Variants in DLG2 observed in about 807,000 individuals in gnomAD.
DLG2 encodes discs large MAGUK scaffold protein 2.
In DLG2, 45 loss-of-function variants were observed where a neutral mutation model predicts 132.5. The ratio of observed to expected loss-of-function variants is 0.34; its 90% CI spans 0.27 to 0.44. DLG2 has a LOEUF of 0.44. Ranked by LOEUF, DLG2 falls within the 20% of genes least tolerant of loss-of-function variation. The probability of loss-of-function intolerance (pLI) is 1.00; values close to 1 mark genes in which losing one functional copy is unlikely to be tolerated. For synonymous variants in DLG2, 424 were observed against 419.6 expected (o/e 1.01, Z -0.13); for missense variants, 1,045 against 1,196.9 (o/e 0.87, Z 1.87).
At chr11:84,490,264 T>C (rs1358287463) in intron 7 of DLG2, among the ~76,000 whole-genome samples, 1 of 152,164 alleles carries the variant, frequency 6.6e-6, no homozygotes, top group Non-Finnish European at 1.5e-5. Flanking sequence ...CTAAGACATC[T>C]GGTTAATAGT....
intron 7 of DLG2, among the ~76,000 whole-genome samples, chr11:84,469,768 A>T (rs1410126675): frequency 6.6e-6 from 1 of 151,196 alleles, no homozygotes; most frequent in Admixed American, 6.6e-5. Flanking sequence ...CATGGGTAGA[A>T]CTCTATGGAA....
At chr11:83,952,065 C>G (rs1322227541) in intron 14 of DLG2, among the ~76,000 whole-genome samples, 1 of 152,168 alleles carries the variant, frequency 6.6e-6, no homozygotes, top group Non-Finnish European at 1.5e-5. Context: ...GGAAGACAAG[C>G]TGGGTGTGGT....
intron 6 of DLG2, among the ~76,000 whole-genome samples, chr11:84,705,884 T>C (rs777073004): frequency 3.3e-5 from 5 of 151,826 alleles, no homozygotes; most frequent in Non-Finnish European, 5.9e-5. Flanking sequence ...ATATCAACCA[T>C]TCATTCAACA....
rs147798815 is a variant in DLG2 at position 84,839,998 on chromosome 11, A to G, written c.357+271663T>C. On this transcript the variant is annotated intron_variant, in intron 6 of 27. Transcript: ENST00000376104. ...AGCCAAAATTGACAGATGAGATCCA[A>G]TTAAACTAGAGAGCTTCTGTACATC... is the stretch of plus-strand genomic sequence containing the variant. Among the ~76,000 whole-genome samples the G allele has an allele frequency of 3.7e-3, 566 of 152,312 alleles. 2 individuals carry two copies. The highest frequency in any genetic ancestry group is 6.1e-3 in the Non-Finnish European group (413 of 68,030).
chr11:84,750,660 T>C (rs1463079986), intron 6 of DLG2, among the ~76,000 whole-genome samples: 1 of 152,182 alleles, frequency 6.6e-6, no homozygotes, highest in Non-Finnish European at 1.5e-5. Context: ...ACTATCATAG[T>C]CATCATTTCC....
At chr11:84,025,589 T>C (rs1298814820) in intron 11 of DLG2, among the ~76,000 whole-genome samples, 3 of 152,190 alleles carry the variant, frequency 2.0e-5, no homozygotes, top group South Asian at 2.1e-4. Flanking sequence ...TGAAAACTTT[T>C]AAAATCTCAT....
chr11:85,619,383 T>G (rs2081548426), intron 2 of DLG2, among the ~76,000 whole-genome samples: 3 of 151,880 alleles, frequency 2.0e-5, no homozygotes, highest in Non-Finnish European at 4.4e-5. Flanking sequence ...AAAAAAAAAC[T>G]TTAGTAAATT....
At chr11:84,166,500 C>CAA (rs398016937) in intron 8 of DLG2, among the ~76,000 whole-genome samples, 870 of 80,572 alleles carry the variant, frequency 0.011, 38 homozygotes, top group South Asian at 0.025. Context: ...GACTCTGCTT[C>CAA]AAAAAAAAAA....
chr11:84,840,968 C>A (rs752639885), intron 6 of DLG2, among the ~76,000 whole-genome samples: 4 of 148,158 alleles, frequency 2.7e-5, no homozygotes, highest in Non-Finnish European at 4.5e-5. Context: ...TGCTCATGTA[C>A]CTTTGAACTT....
At chr11:85,166,875 A>T (rs1454393758) in intron 4 of DLG2, among the ~76,000 whole-genome samples, 1 of 152,180 alleles carries the variant, frequency 6.6e-6, no homozygotes, top group East Asian at 1.9e-4. Context: ...TTTACTTTAA[A>T]TGTATTCATC....
At chr11:85,110,848 G>A (rs551967947) in intron 6 of DLG2, among the ~76,000 whole-genome samples, 1 of 152,102 alleles carries the variant, frequency 6.6e-6, no homozygotes, top group Admixed American at 6.6e-5. Context: ...GGAGTCAAAT[G>A]AGGAGAATTT....
At chr11:83,703,524 C>T (rs2083340199) in intron 18 of DLG2, among the ~76,000 whole-genome samples, 1 of 152,046 alleles carries the variant, frequency 6.6e-6, no homozygotes, top group African/African-American at 2.4e-5. Flanking sequence ...TGGTGCATGC[C>T]TGTAATCCCA....
intron 6 of DLG2, among the ~76,000 whole-genome samples, chr11:84,736,832 T>G (rs1185079006): frequency 6.6e-6 from 1 of 151,924 alleles, no homozygotes; most frequent in African/African-American, 2.4e-5. Flanking sequence ...CAAAAATGAG[T>G]TTTACATCTT....
At chr11:85,428,944 A>G (rs1199598108) in intron 3 of DLG2, among the ~76,000 whole-genome samples, 2 of 152,188 alleles carry the variant, frequency 1.3e-5, no homozygotes, top group African/African-American at 4.8e-5. Context: ...GATAAAGGGG[A>G]TATCACCACC....
intron 11 of DLG2, among the ~76,000 whole-genome samples, chr11:84,022,647 C>A (rs1450226191): frequency 1.3e-5 from 2 of 152,082 alleles, no homozygotes; most frequent in Non-Finnish European, 2.9e-5. Context: ...AAAAGCATAT[C>A]TTTTAATACT....
intron 7 of DLG2, among the ~76,000 whole-genome samples, chr11:84,396,409 T>C (rs896308875): frequency 3.3e-5 from 5 of 152,164 alleles, no homozygotes; most frequent in Admixed American, 1.3e-4. Context: ...TATGGTGCAA[T>C]TGTTTTTGTT....
At chr11:85,058,685 G>A (rs573786527) in intron 6 of DLG2, among the ~76,000 whole-genome samples, 18 of 151,478 alleles carry the variant, frequency 1.2e-4, no homozygotes, top group Non-Finnish European at 2.4e-4. Flanking sequence ...AGGACAAATA[G>A]ACCAGGTATT....
intron 4 of DLG2, among the ~76,000 whole-genome samples, chr11:85,261,077 G>C (rs898046620): frequency 1.3e-5 from 2 of 152,168 alleles, no homozygotes; most frequent in Non-Finnish European, 1.5e-5. Flanking sequence ...TACTAAAACA[G>C]TAGTGAGTTA....
intron 7 of DLG2, among the ~76,000 whole-genome samples, chr11:84,327,391 T>C (rs903225636): frequency 2.6e-5 from 4 of 152,172 alleles, no homozygotes; most frequent in Non-Finnish European, 5.9e-5. Context: ...CTGAGAATCT[T>C]ATTTTTAAAA....
Sources: gnomAD v4.1 joint callset for allele counts (sites outside exome capture counted in the v4.1 genomes callset) on GRCh38, gnomAD v4.1.1 for gene constraint, MANE v1.5 for transcripts, NCBI Gene and HGNC (gene_info 2026-07-23, HGNC 2026-07-21) for gene names.